The following FLT1 variants were observed in gnomAD, a reference collection of about 807,000 sequenced individuals.
The protein encoded by FLT1 is fms related receptor tyrosine kinase 1.
In FLT1, 49 loss-of-function variants were observed where a neutral mutation model predicts 156.3. The observed-to-expected ratio is 0.31, with a 90% confidence interval of 0.25 to 0.40. The LOEUF is 0.40. Ranked by LOEUF, FLT1 falls within the 10% of genes least tolerant of loss-of-function variation. FLT1 has a pLI of 1.00. For synonymous variants in FLT1, 594 were observed against 583.8 expected (o/e 1.02, Z -0.25); for missense variants, 1,322 against 1,637.2 (o/e 0.81, Z 3.32).
rs749752123 is a variant in FLT1 at position 28,438,205 on chromosome 13, C to T, written c.513+16G>A. 2.5e-6 allele frequency: 4 copies of T among 1,611,430 alleles called. No individual in the cohort carries two copies. Among genetic ancestry groups the T allele is most frequent in the East Asian group, 2.2e-5 (1 of 44,866 alleles). ...TGCAGTGAAAGTATGCTGAGAATAGCGGTGTTCAAATTTACCTTTTTTAAA... is the reference window on the plus strand; with the variant it reads ...TGCAGTGAAAGTATGCTGAGAATAGTGGTGTTCAAATTTACCTTTTTTAAA... On this transcript the variant is annotated intron_variant, in intron 4 of 29. Coordinates refer to ENST00000282397, the MANE Select transcript of FLT1 (RefSeq NM_002019.4).
chr13:28,366,969 A>G (rs1294558091), intron 14 of FLT1, among the ~76,000 whole-genome samples: 3 of 152,234 alleles, frequency 2.0e-5, no homozygotes, highest in African/African-American at 7.2e-5. Flanking sequence ...GCCGATAGAC[A>G]GCTGACCTTC....
At chr13:28,435,253 C>T (rs1275721014) in intron 4 of FLT1, among the ~76,000 whole-genome samples, 4 of 152,208 alleles carry the variant, frequency 2.6e-5, no homozygotes, top group South Asian at 2.1e-4. Flanking sequence ...TTCCCAAGCA[C>T]GGTGAGTCCA....
chr13:28,457,027 G>A (rs558497332), intron 3 of FLT1, among the ~76,000 whole-genome samples: 1 of 152,182 alleles, frequency 6.6e-6, no homozygotes, highest in South Asian at 2.1e-4. Context: ...CTCACTGTAG[G>A]TTCATTAATT....
chr13:28,470,258 C>A (rs1480708411), intron 1 of FLT1, among the ~76,000 whole-genome samples: 1 of 152,174 alleles, frequency 6.6e-6, no homozygotes, highest in Non-Finnish European at 1.5e-5. Context: ...CTTGAGGCAA[C>A]ATGTGGCCCA....
intron 14 of FLT1, 135 bp from the exon 15 acceptor site, chr13:28,357,820 T>C (rs1872955295): frequency 5.2e-6 from 4 of 768,214 alleles, no homozygotes; most frequent in Non-Finnish European, 8.9e-6. Context: ...TGGGGCAGGG[T>C]TGCTTATTTG....
intron 14 of FLT1, among the ~76,000 whole-genome samples, chr13:28,369,464 G>A (rs887321924): frequency 2.0e-5 from 3 of 152,112 alleles, no homozygotes; most frequent in African/African-American, 4.8e-5. Context: ...GATGGAGGTC[G>A]CAGTGAGCCA....
chr13:28,364,889 T>C (rs1202478384), intron 14 of FLT1, among the ~76,000 whole-genome samples: 1 of 152,232 alleles, frequency 6.6e-6, no homozygotes, highest in Non-Finnish European at 1.5e-5. Context: ...CCTCACCAGA[T>C]AGTTTTCAAA....
intron 14 of FLT1, among the ~76,000 whole-genome samples, chr13:28,371,100 G>A (rs1873543095): frequency 6.6e-6 from 1 of 152,128 alleles, no homozygotes; most frequent in African/African-American, 2.4e-5. Flanking sequence ...GATATATCAA[G>A]TAATAAAAGC....
At position 28,427,304 on chromosome 13, in the gene FLT1, A is replaced by G; in HGVS notation, c.1291T>C (p.Tyr431His). The G allele has an allele frequency of 6.2e-7, 1 of 1,613,966 alleles. No individual in the cohort carries two copies. The highest frequency in any genetic ancestry group is 8.5e-7 in the Non-Finnish European group (1 of 1,179,934). ...TLIVNVKPQI[Y>H]EKAVSSFPDP... ...GGAAACGATGACACGGCCTTTTCGTAAATCTGGGGTTTCACTGGAAAGGAG... is the reference window on the plus strand; with the variant it reads ...GGAAACGATGACACGGCCTTTTCGTGAATCTGGGGTTTCACTGGAAAGGAG... Residue 431 changes from tyrosine to histidine, a missense_variant, in exon 10 of 30, where the codon TAC becomes CAC. Transcript: ENST00000282397.
chr13:28,388,557 C>A, intron 13 of FLT1: 1 of 1,049,994 alleles, frequency 9.5e-7, no homozygotes, highest in Non-Finnish European at 1.2e-6. Context: ...CATTTTCCCT[C>A]AAACGCAAGC....
chr13:28,459,416 G>C (rs1593816792), intron 3 of FLT1, among the ~76,000 whole-genome samples: 1 of 152,302 alleles, frequency 6.6e-6, no homozygotes, highest in East Asian at 1.9e-4. Flanking sequence ...ATTAGTGTTA[G>C]AAGAAACACA....
chr13:28,313,358 G>A (rs888761431), intron 25 of FLT1, among the ~76,000 whole-genome samples: 2 of 152,144 alleles, frequency 1.3e-5, no homozygotes, highest in South Asian at 2.1e-4. Flanking sequence ...TGTACCTACC[G>A]CCCTCTCTGA....
At position 28,301,465 on chromosome 13, in the gene FLT1, T is replaced by C. The variant is rs753281462; in HGVS notation, c.*1702A>G. ...AATGTGCTGATGACGGTCCCATCTC[T>C]TCATACAGAGAGCCTTTAAACAAGG... On this transcript the variant is annotated 3_prime_UTR_variant, in exon 30 of 30. Coordinates refer to ENST00000282397, the MANE Select transcript of FLT1 (RefSeq NM_002019.4). 1.2e-4 allele frequency: 28 copies of C among 233,008 alleles called. No homozygotes were observed. The highest frequency in any genetic ancestry group is 2.2e-4 in the Non-Finnish European group (26 of 117,938). 14.4% of individuals were successfully genotyped at this position (233,008 alleles called of 1,614,324 possible). A position where few individuals can be genotyped will look rare whatever the true frequency, so the allele number is the denominator to read the frequency against.
intron 1 of FLT1, among the ~76,000 whole-genome samples, chr13:28,487,059 T>C (rs555519044): frequency 6.6e-5 from 10 of 152,362 alleles, no homozygotes; most frequent in African/African-American, 2.4e-4. Context: ...CAGGTGATTC[T>C]AATGTGTGAT....
At chr13:28,323,256 T>C (rs1024044574) in intron 20 of FLT1, among the ~76,000 whole-genome samples, 6 of 152,194 alleles carry the variant, frequency 3.9e-5, no homozygotes, top group Admixed American at 3.3e-4. Context: ...TTAGGTACAT[T>C]TCTTGTTTAG....
intron 20 of FLT1, among the ~76,000 whole-genome samples, chr13:28,323,207 C>T (rs1262600916): frequency 1.3e-5 from 2 of 151,916 alleles, no homozygotes; most frequent in Admixed American, 6.6e-5. Context: ...TGGGTATTTA[C>T]TGAATGCTTA....
At chr13:28,318,023 A>G (rs1871276030) in intron 24 of FLT1, among the ~76,000 whole-genome samples, 1 of 151,814 alleles carries the variant, frequency 6.6e-6, no homozygotes. Context: ...TGGTGGCATG[A>G]TCTTAGCTCA....
chr13:28,467,562 C>T lies in FLT1; in HGVS notation c.120G>A (p.Gln40=), dbSNP rs1281779693. ...GTGTCTGGCCTGCTTGCATGATGTGCTGGGTGCCTTTTAAACTCAGTTCAG... is the reference window on the plus strand; with the variant it reads ...GTGTCTGGCCTGCTTGCATGATGTGTTGGGTGCCTTTTAAACTCAGTTCAG... ...KDPELSLKGT[Q]HIMQAGQTLH... is the part of the protein sequence containing the mutation. The change falls in exon 2 of 30, where the codon CAG becomes CAA. Residue 40 remains glutamine, a synonymous_variant. Coordinates refer to ENST00000282397, the MANE Select transcript of FLT1 (RefSeq NM_002019.4). 2.5e-6 allele frequency: 4 copies of T among 1,611,432 alleles called. No individual in the cohort carries two copies. In the South Asian group the frequency reaches 4.4e-5, roughly 18 times the overall value.
At chr13:28,345,848 A>T (rs1447281830) in intron 15 of FLT1, 1 of 315,628 alleles carries the variant, frequency 3.2e-6, no homozygotes, top group African/African-American at 2.1e-5. Flanking sequence ...ACAGCTAAGT[A>T]AAAATCAGAG....
Sources: allele counts gnomAD v4.1 joint callset (sites outside exome capture counted in the v4.1 genomes callset), GRCh38; gene constraint gnomAD v4.1.1; transcripts MANE v1.5; gene names NCBI Gene and HGNC (gene_info 2026-07-23, HGNC 2026-07-21).